Variants in CSMD1 observed in about 807,000 individuals in gnomAD.
The protein encoded by CSMD1 is CUB and sushi domain-containing protein 1.
A neutral mutation model predicts 417.5 loss-of-function variants in CSMD1; 213 were observed. The ratio of observed to expected loss-of-function variants is 0.51; its 90% CI spans 0.46 to 0.57. The LOEUF (loss-of-function observed/expected upper bound fraction) is 0.57. Ranked by LOEUF, CSMD1 falls within the 20% of genes least tolerant of loss-of-function variation. The pLI is 0.00. For synonymous variants in CSMD1, 2,862 were observed against 1,736.8 expected, an observed-to-expected ratio of 1.65 and a Z score of -16.11; for missense variants, 6,923 against 4,529.7, an observed-to-expected ratio of 1.53 and a Z score of -15.17.
chr8:4,948,888 C>T (rs180696020), intron 1 of CSMD1, among the ~76,000 whole-genome samples: 2 of 152,058 alleles, frequency 1.3e-5, no homozygotes, highest in East Asian at 3.9e-4. Context: ...AGATAAAAGA[C>T]CATGTTTTTA....
At chr8:3,879,010 T>A (rs948581010) in intron 5 of CSMD1, among the ~76,000 whole-genome samples, 3 of 152,178 alleles carry the variant, frequency 2.0e-5, no homozygotes, top group Non-Finnish European at 4.4e-5. Flanking sequence ...TTAGTACTAA[T>A]AATTTAGTAT....
At chr8:3,766,941 C>A (rs186831600) in intron 5 of CSMD1, among the ~76,000 whole-genome samples, 2 of 152,234 alleles carry the variant, frequency 1.3e-5, no homozygotes, top group Admixed American at 1.3e-4. Flanking sequence ...AGTCCGACGG[C>A]AACAGATGCA....
At chr8:3,419,970 T>C (rs965010071) in intron 12 of CSMD1, among the ~76,000 whole-genome samples, 7 of 152,172 alleles carry the variant, frequency 4.6e-5, no homozygotes, top group African/African-American at 1.4e-4. Context: ...GTTTACCTAA[T>C]TGTGGATAAT....
At chr8:4,528,835 G>A (rs1377633400) in intron 2 of CSMD1, among the ~76,000 whole-genome samples, 1 of 151,828 alleles carries the variant, frequency 6.6e-6, no homozygotes, top group East Asian at 1.9e-4. Flanking sequence ...GAAAACTTCT[G>A]TCTTTTAAGA....
At chr8:3,569,446 G>A (rs565528385) in intron 10 of CSMD1, among the ~76,000 whole-genome samples, 24 of 152,252 alleles carry the variant, frequency 1.6e-4, no homozygotes, top group South Asian at 6.2e-4. Flanking sequence ...AGGATTAAAT[G>A]TTTCAAAAAA....
intron 3 of CSMD1, among the ~76,000 whole-genome samples, chr8:4,094,786 G>A (rs1310772327): frequency 6.6e-6 from 1 of 152,186 alleles, no homozygotes; most frequent in Non-Finnish European, 1.5e-5. Context: ...TGCGCATGGA[G>A]TACTGGATAA....
At chr8:3,152,052 C>T (rs1317867013) in intron 39 of CSMD1, among the ~76,000 whole-genome samples, 1 of 152,198 alleles carries the variant, frequency 6.6e-6, no homozygotes. Context: ...AAGGTCATTC[C>T]AGCTGCGTCT....
intron 25 of CSMD1, among the ~76,000 whole-genome samples, chr8:3,295,658 T>G (rs1803909591): frequency 6.6e-6 from 1 of 152,214 alleles, no homozygotes. Context: ...TCGCTCTCCC[T>G]TGGGATTCTA....
intron 3 of CSMD1, among the ~76,000 whole-genome samples, chr8:4,125,702 A>G (rs987281049): frequency 1.3e-5 from 2 of 152,166 alleles, no homozygotes; most frequent in Non-Finnish European, 1.5e-5. Context: ...GCATAGGCTG[A>G]ACTAAATTTG....
intron 1 of CSMD1, among the ~76,000 whole-genome samples, chr8:4,852,848 C>A (rs937265063): frequency 6.6e-6 from 1 of 152,090 alleles, no homozygotes; most frequent in African/African-American, 2.4e-5. Flanking sequence ...CTATGTTAGG[C>A]CCTAGCAAAG....
intron 40 of CSMD1, among the ~76,000 whole-genome samples, chr8:3,149,089 G>C (rs1819030867): frequency 6.6e-6 from 1 of 151,902 alleles, no homozygotes. Context: ...TTTCATTTCA[G>C]TCTTTCTTTA....
At chr8:3,541,152 G>A (rs1456631712) in intron 10 of CSMD1, among the ~76,000 whole-genome samples, 2 of 152,166 alleles carry the variant, frequency 1.3e-5, no homozygotes, top group Non-Finnish European at 2.9e-5. Context: ...ATGACAGACT[G>A]GATAAAGAAA....
chr8:3,444,588 A>C (rs990283702), intron 12 of CSMD1, among the ~76,000 whole-genome samples: 2 of 152,156 alleles, frequency 1.3e-5, no homozygotes, highest in Admixed American at 6.5e-5. Flanking sequence ...CTGGTGGGTC[A>C]AGGCCAATGA....
intron 69 of CSMD1, among the ~76,000 whole-genome samples, chr8:2,940,945 C>A (rs183937064): frequency 6.6e-6 from 1 of 152,180 alleles, no homozygotes; most frequent in Non-Finnish European, 1.5e-5. Flanking sequence ...AAAGAAGATA[C>A]ATTTTTGTGT....
At chr8:4,647,217 C>G (rs184443439) in intron 1 of CSMD1, among the ~76,000 whole-genome samples, 1 of 150,602 alleles carries the variant, frequency 6.6e-6, no homozygotes, top group African/African-American at 2.4e-5. Flanking sequence ...GTGTTTCGGG[C>G]GCCAGTTTGC....
chr8:4,532,885 C>A (rs958506403), intron 2 of CSMD1, among the ~76,000 whole-genome samples: 1 of 151,174 alleles, frequency 6.6e-6, no homozygotes, highest in African/African-American at 2.4e-5. Context: ...GAAGAGAAAT[C>A]CTGCACCCCC....
At chr8:3,844,620 G>A (rs1255190492) in intron 5 of CSMD1, among the ~76,000 whole-genome samples, 2 of 152,136 alleles carry the variant, frequency 1.3e-5, no homozygotes, top group Non-Finnish European at 2.9e-5. Flanking sequence ...CCTCCCATCT[G>A]CAGATGGAAG....
chr8:4,645,179 C>T (rs75772561), intron 1 of CSMD1, among the ~76,000 whole-genome samples: 1,964 of 152,156 alleles, frequency 0.013, 49 homozygotes, highest in African/African-American at 0.043. Context: ...TTCCTATGGA[C>T]GTTGGCATCT....
At chr8:3,648,667 T>C (rs7833705) in intron 7 of CSMD1, among the ~76,000 whole-genome samples, 42,952 of 152,120 alleles carry the variant, frequency 0.28, 6,201 homozygotes, top group South Asian at 0.37. Flanking sequence ...CTTTGAAACA[T>C]ACGGCTATAC....
Sources: gnomAD v4.1 joint callset for allele counts (sites outside exome capture counted in the v4.1 genomes callset) on GRCh38, gnomAD v4.1.1 for gene constraint, MANE v1.5 for transcripts, NCBI Gene and HGNC (gene_info 2026-07-23, HGNC 2026-07-21) for gene names.